The following PRKN variants were observed in gnomAD, a reference collection of about 807,000 sequenced individuals.
PRKN encodes E3 ubiquitin-protein ligase parkin.
In PRKN, 56 loss-of-function variants were observed where a neutral mutation model predicts 59.5. The ratio of observed to expected loss-of-function variants is 0.94; its 90% CI spans 0.76 to 1.18. The LOEUF (loss-of-function observed/expected upper bound fraction) is 1.18, where lower values mean the gene tolerates loss of function less well. PRKN is among the 50% of genes most tolerant of loss of function. PRKN has a pLI of 0.00. For synonymous variants in PRKN, 250 were observed against 222.1 expected (o/e 1.13, Z -1.12); for missense variants, 657 against 596.4 (o/e 1.10, Z -1.06).
intron 1 of PRKN, among the ~76,000 whole-genome samples, chr6:162,513,907 A>G (rs9456783): frequency 3.3e-5 from 5 of 151,722 alleles, no homozygotes; most frequent in Admixed American, 3.3e-4. Context: ...TACAAAAAAT[A>G]TGGTGATGCG....
chr6:162,345,375 A>G (rs934747819), intron 2 of PRKN, among the ~76,000 whole-genome samples: 1 of 152,248 alleles, frequency 6.6e-6, no homozygotes, highest in East Asian at 1.9e-4. Flanking sequence ...AACTGATAAT[A>G]GCAACAAGTA....
At chr6:162,156,016 T>C (rs970870288) in intron 4 of PRKN, among the ~76,000 whole-genome samples, 1 of 152,128 alleles carries the variant, frequency 6.6e-6, no homozygotes, top group Non-Finnish European at 1.5e-5. Flanking sequence ...GAAGGAATAG[T>C]GGAAATGAGG....
intron 3 of PRKN, among the ~76,000 whole-genome samples, chr6:162,201,593 C>G (rs759655272): frequency 3.9e-5 from 6 of 152,322 alleles, no homozygotes; most frequent in Middle Eastern, 3.4e-3. Flanking sequence ...GACAGGAATT[C>G]TTTCAGGATG....
At chr6:162,337,495 G>T (rs1210025432) in intron 2 of PRKN, among the ~76,000 whole-genome samples, 1 of 152,190 alleles carries the variant, frequency 6.6e-6, no homozygotes, top group South Asian at 2.1e-4. Context: ...GCACGTAATA[G>T]ATAATCCAAG....
At chr6:162,466,448 A>G (rs115995783) in intron 1 of PRKN, among the ~76,000 whole-genome samples, 6,601 of 152,188 alleles carry the variant, frequency 0.043, 437 homozygotes, top group African/African-American at 0.15. Context: ...ACCCAGGCTG[A>G]AGTGCAGTGT....
rs191362871 is a variant in PRKN at position 161,393,206 on chromosome 6, T to C, written c.1084-6329A>G. On this transcript the variant is annotated intron_variant, in intron 9 of 11. Transcript: ENST00000366898. This position sits in a 1 kb window ranked among gnomAD's most constrained non-coding sequence, Gnocchi z 4.7. ...ACAACACAACAAATAGTTTTCTCCA[T>C]GGGGCTATGATGTTTAACAAGTGGT... Among the ~76,000 whole-genome samples, 1 of 151,384 alleles carries C rather than the reference T, an allele frequency of 6.6e-6. No individual in the cohort carries two copies. The highest frequency in any genetic ancestry group is 1.9e-4 in the East Asian group (1 of 5,188).
rs966227134 is a variant in PRKN, at chr6:161,487,940, C to A, written c.1083+60914G>T. ...CATTAAACACATATTTACTGAATACCTACAAAACTTCTATGACTAAAACCA... is the reference window on the plus strand; with the variant it reads ...CATTAAACACATATTTACTGAATACATACAAAACTTCTATGACTAAAACCA... On this transcript the variant is annotated intron_variant, in intron 9 of 11. Transcript: ENST00000366898. The surrounding 1 kb of genome is among the most constrained non-coding windows in gnomAD (Gnocchi z 5.3). Among the ~76,000 whole-genome samples the A allele has an allele frequency of 2.0e-5, 3 of 152,146 alleles. No homozygotes were observed. The highest frequency in any genetic ancestry group is 7.2e-5 in the African/African-American group (3 of 41,436).
intron 6 of PRKN, among the ~76,000 whole-genome samples, chr6:161,830,776 T>C (rs1265106928): frequency 1.3e-5 from 2 of 152,246 alleles, no homozygotes; most frequent in African/African-American, 2.4e-5. Flanking sequence ...TTTTTACTTA[T>C]GATTTTGTAT....
At chr6:162,176,540 G>GC (rs1470517286) in intron 4 of PRKN, among the ~76,000 whole-genome samples, 16 of 151,976 alleles carry the variant, frequency 1.1e-4, no homozygotes. Flanking sequence ...ATGAATTTGG[G>GC]CCCCTTCATC....
rs920648673 is a variant in PRKN at position 161,487,650 on chromosome 6, T to C, written c.1083+61204A>G. The stretch of plus-strand genomic sequence containing the variant: ...TTGAATAATATTAAATATTGACTAC[T>C]GATATGATAATATGTGTATTCATGT... On this transcript the variant is annotated intron_variant, in intron 9 of 11. Transcript: ENST00000366898. This position sits in a 1 kb window ranked among gnomAD's most constrained non-coding sequence, Gnocchi z 5.3. Among the ~76,000 whole-genome samples, 2 of 152,192 alleles carry C rather than the reference T, an allele frequency of 1.3e-5. No individual in the cohort carries two copies. The highest frequency in any genetic ancestry group is 2.9e-5 in the Non-Finnish European group (2 of 68,036).
At chr6:161,972,236 T>C (rs1042859522) in intron 6 of PRKN, among the ~76,000 whole-genome samples, 1 of 148,506 alleles carries the variant, frequency 6.7e-6, no homozygotes, top group South Asian at 2.1e-4. Flanking sequence ...ATCCCGCCAT[T>C]GCACTCCAGC....
chr6:161,782,870 G>A (rs773357491), intron 7 of PRKN, among the ~76,000 whole-genome samples: 8 of 151,692 alleles, frequency 5.3e-5, no homozygotes, highest in Non-Finnish European at 8.8e-5. Context: ...CTCCAGCCTC[G>A]GCGACAGAGC....
chr6:162,544,941 C>T (rs1275644381), intron 1 of PRKN, among the ~76,000 whole-genome samples: 3 of 149,520 alleles, frequency 2.0e-5, no homozygotes, highest in Non-Finnish European at 3.0e-5. Flanking sequence ...CCTCCCAAAG[C>T]GCTGGGATTA....
intron 6 of PRKN, among the ~76,000 whole-genome samples, chr6:161,892,746 T>TA (rs762296809): frequency 7.9e-5 from 12 of 152,010 alleles, no homozygotes; most frequent in Admixed American, 2.6e-4. Context: ...CTCTAAACAA[T>TA]AAAAAAAATT....
intron 9 of PRKN, among the ~76,000 whole-genome samples, chr6:161,496,232 C>G (rs1246614153): frequency 6.6e-6 from 1 of 152,174 alleles, no homozygotes; most frequent in East Asian, 1.9e-4. Context: ...CTGGGAGGAT[C>G]GAGTGGCCTG....
intron 2 of PRKN, among the ~76,000 whole-genome samples, chr6:162,311,230 T>C (rs1037298476): frequency 6.6e-6 from 1 of 152,164 alleles, no homozygotes. Flanking sequence ...AATAGATTTG[T>C]TAAAATATTT....
intron 9 of PRKN, among the ~76,000 whole-genome samples, chr6:161,438,452 G>A (rs1323529552): frequency 6.6e-6 from 1 of 151,840 alleles, no homozygotes; most frequent in Non-Finnish European, 1.5e-5. Context: ...TCTTGACCTC[G>A]TAATCCGCCC....
intron 9 of PRKN, among the ~76,000 whole-genome samples, chr6:161,531,428 G>A (rs1045744051): frequency 2.0e-5 from 3 of 151,288 alleles, no homozygotes; most frequent in Non-Finnish European, 2.9e-5. Flanking sequence ...CCCTACCCTC[G>A]CCCAGCAACA....
intron 6 of PRKN, among the ~76,000 whole-genome samples, chr6:161,926,284 G>C (rs1280952891): frequency 6.6e-6 from 1 of 152,110 alleles, no homozygotes; most frequent in Non-Finnish European, 1.5e-5. Flanking sequence ...CGCAGGTCAA[G>C]ACCTGGGCGA....
Sources: gnomAD v4.1 joint callset for allele counts (sites outside exome capture counted in the v4.1 genomes callset) on GRCh38, gnomAD v4.1.1 for gene constraint, Gnocchi (gnomAD v3.1) non-coding constraint, MANE v1.5 for transcripts, NCBI Gene and HGNC (gene_info 2026-07-23, HGNC 2026-07-21) for gene names.